Variants in ANKRD28 observed in about 807,000 individuals in gnomAD.
ANKRD28 encodes the protein ankyrin repeat domain 28.
Under a neutral mutation model 126.5 loss-of-function variants are expected in ANKRD28, and 44 were observed. The observed-to-expected ratio is 0.35, with a 90% confidence interval of 0.27 to 0.45. ANKRD28 has a LOEUF of 0.45. ANKRD28 is among the 20% of genes least tolerant of loss of function. ANKRD28 has a pLI of 1.00. For missense variants in ANKRD28, 1,110 were observed against 1,316.6 expected (o/e 0.84, Z 2.43); for synonymous variants, 442 against 468.5 (o/e 0.94, Z 0.73).
chr3:15,720,901 A>T lies in ANKRD28; in HGVS notation c.996+14T>A. 2 of 1,609,842 alleles carry T rather than the reference A, an allele frequency of 1.2e-6. No homozygotes were observed. The highest frequency in any genetic ancestry group is 1.1e-5 in the South Asian group (1 of 90,644). ...ACATATGAAATACTTATAGATTCTG[A>T]TTTTGTTCCTTACCTTCATATTGAC... On this transcript the variant is annotated intron_variant, in intron 8 of 27. Coordinates refer to ENST00000683139, the MANE Select transcript of ANKRD28 (RefSeq NM_001349278.2).
intron 4 of ANKRD28, among the ~76,000 whole-genome samples, chr3:15,748,724 T>A (rs1037213284): frequency 6.6e-6 from 1 of 152,194 alleles, no homozygotes; most frequent in Non-Finnish European, 1.5e-5. Flanking sequence ...CTTCTTGTAT[T>A]TGGATGTCCA....
At chr3:15,705,464 C>G (rs750054129) in intron 14 of ANKRD28, among the ~76,000 whole-genome samples, 1 of 152,130 alleles carries the variant, frequency 6.6e-6, no homozygotes, top group East Asian at 1.9e-4. Flanking sequence ...ACCCAATAAC[C>G]AGTCTGTGAA....
chr3:15,763,049 T>G (rs1345089088), intron 3 of ANKRD28, among the ~76,000 whole-genome samples: 1 of 152,202 alleles, frequency 6.6e-6, no homozygotes, highest in Non-Finnish European at 1.5e-5. Context: ...ATTTCTTTAT[T>G]TTTTTTGTTT....
chr3:15,823,370 C>T (rs573665782), intron 1 of ANKRD28, among the ~76,000 whole-genome samples: 28 of 152,186 alleles, frequency 1.8e-4, no homozygotes, highest in Middle Eastern at 3.4e-3. Context: ...CTGGCAGTCG[C>T]GGACCCCTGC....
chr3:15,813,681 T>C lies in ANKRD28; in HGVS notation c.28-18375A>G, dbSNP rs538427827. On this transcript the variant is annotated intron_variant, in intron 1 of 27. Transcript: ENST00000399451. ...AATGATATCAAACAAGCTTATCCTA[T>C]CTTCACTAGTGCCTGCAGTCCAACA... 1.3e-3 allele frequency among the ~76,000 whole-genome samples: 192 copies of C among 152,330 alleles called. 3 individuals carry two copies. Among genetic ancestry groups the C allele is most frequent in the Non-Finnish European group, 1.4e-3 (95 of 68,032 alleles).
At chr3:15,790,722 G>C (rs9852971) in intron 2 of ANKRD28, among the ~76,000 whole-genome samples, 1 of 151,914 alleles carries the variant, frequency 6.6e-6, no homozygotes, top group Non-Finnish European at 1.5e-5. Context: ...TTTCCTCTAA[G>C]ACCTGCAACA....
intron 1 of ANKRD28, among the ~76,000 whole-genome samples, chr3:15,855,936 T>A (rs1333263390): frequency 6.6e-6 from 1 of 152,238 alleles, no homozygotes; most frequent in Admixed American, 6.5e-5. Flanking sequence ...GTATGTGGGC[T>A]TTATCGCAAT....
chr3:15,855,088 C>T (rs1489273850), intron 1 of ANKRD28, among the ~76,000 whole-genome samples: 3 of 152,018 alleles, frequency 2.0e-5, no homozygotes, highest in Admixed American at 1.3e-4. Flanking sequence ...AGGAAGACAC[C>T]TCCTACATAG....
intron 21 of ANKRD28, among the ~76,000 whole-genome samples, chr3:15,682,502 T>A (rs1575122677): frequency 6.6e-6 from 1 of 152,166 alleles, no homozygotes; most frequent in Non-Finnish European, 1.5e-5. Flanking sequence ...CAGAGGCTAG[T>A]CTGAGGATGT....
intron 1 of ANKRD28, chr3:15,859,317 T>A: frequency 6.6e-7 from 1 of 1,511,400 alleles, no homozygotes; most frequent in Non-Finnish European, 8.8e-7. Flanking sequence ...ACACCGCCGG[T>A]CCGCCCTGCT....
At chr3:15,799,558 C>T (rs2060415751), upstream of ANKRD28, among the ~76,000 whole-genome samples, 1 of 152,038 alleles carries the variant, frequency 6.6e-6, no homozygotes, top group Admixed American at 6.6e-5. Flanking sequence ...TCCATCTCCA[C>T]ATAGCTGAAT....
chr3:15,782,235 C>T (rs1454097152), intron 2 of ANKRD28, among the ~76,000 whole-genome samples: 2 of 152,018 alleles, frequency 1.3e-5, no homozygotes, highest in East Asian at 3.9e-4. Context: ...TCCAACTAGC[C>T]AGTTAGGGAA....
At position 15,714,760 on chromosome 3, in the gene ANKRD28, T is replaced by C. The variant is rs551354412; in HGVS notation, c.997-104A>G. Reference sequence around the variant, plus strand: ...TGCATCTTTATTTTTATAACTATTTTACATGAATTAAGTTTAACTGAGGCC... The same window carrying C: ...TGCATCTTTATTTTTATAACTATTTCACATGAATTAAGTTTAACTGAGGCC... On this transcript the variant is annotated intron_variant, in intron 8 of 27. Coordinates refer to ENST00000683139, the MANE Select transcript of ANKRD28 (RefSeq NM_001349278.2). 1.2e-4 allele frequency: 93 copies of C among 772,174 alleles called. 2 individuals are homozygous for C. The South Asian group carries it at 2.9e-3, about 24-fold the overall frequency. 47.8% of individuals were successfully genotyped at this position (772,174 alleles called of 1,614,324 possible). A position where few individuals can be genotyped will look rare whatever the true frequency, so the allele number is the denominator to read the frequency against.
chr3:15,788,595 ACT>A (rs1215077576), intron 2 of ANKRD28, among the ~76,000 whole-genome samples: 1 of 152,140 alleles, frequency 6.6e-6, no homozygotes, highest in African/African-American at 2.4e-5. Context: ...CAATTTTAAT[ACT>A]CTTAATAAAA....
At chr3:15,686,946 C>CTT (rs368116430) in intron 18 of ANKRD28, among the ~76,000 whole-genome samples, 23 of 141,030 alleles carry the variant, frequency 1.6e-4, no homozygotes, top group African/African-American at 3.9e-4. Flanking sequence ...CCTGATATTG[C>CTT]TTTTTTTTTT....
rs938421441 is a variant in ANKRD28, at chr3:15,845,925, C to G, written c.27+13452G>C. On this transcript the variant is annotated intron_variant, in intron 1 of 27. Transcript: ENST00000399451. The surrounding 1 kb of genome is among the most constrained non-coding windows in gnomAD (Gnocchi z 4.9). The stretch of plus-strand genomic sequence containing the variant: ...AGAACAGCAAGGGGGAAATCTGCCC[C>G]AACAATCCAATAGCATCTCACCAGT... Among the ~76,000 whole-genome samples, 1 of 152,046 alleles carries G rather than the reference C, an allele frequency of 6.6e-6. No individual in the cohort carries two copies.
At chr3:15,742,296 G>A (rs111368062) in intron 4 of ANKRD28, among the ~76,000 whole-genome samples, 7 of 150,864 alleles carry the variant, frequency 4.6e-5, no homozygotes, top group African/African-American at 7.3e-5. Flanking sequence ...AGTGAGGAGC[G>A]CCTCTTCCCG....
chr3:15,828,261 G>A (rs1305305142), intron 1 of ANKRD28, among the ~76,000 whole-genome samples: 2 of 152,148 alleles, frequency 1.3e-5, no homozygotes, highest in Non-Finnish European at 2.9e-5. Context: ...GGTCAAAACA[G>A]GCGAATGATT....
intron 14 of ANKRD28, among the ~76,000 whole-genome samples, chr3:15,699,865 C>T (rs2070298173): frequency 6.6e-6 from 1 of 152,166 alleles, no homozygotes; most frequent in Admixed American, 6.5e-5. Context: ...TACCATTTGA[C>T]CCAGCCATCC....
Sources: allele counts gnomAD v4.1 joint callset (sites outside exome capture counted in the v4.1 genomes callset), GRCh38; gene constraint gnomAD v4.1.1; non-coding constraint Gnocchi (gnomAD v3.1); transcripts MANE v1.5; gene names NCBI Gene and HGNC (gene_info 2026-07-23, HGNC 2026-07-21).